SLC4A4: variants seen among roughly 807,000 people sequenced by gnomAD.
SLC4A4 encodes the protein solute carrier family 4 member 4.
SLC4A4 carries 27 observed loss-of-function variants against 111.5 expected under a neutral mutation model. The ratio of observed to expected loss-of-function variants is 0.24; its 90% CI spans 0.18 to 0.33. SLC4A4 has a LOEUF of 0.33. Ranked by LOEUF, SLC4A4 falls within the 10% of genes least tolerant of loss-of-function variation. SLC4A4 has a pLI of 1.00. For synonymous variants in SLC4A4, 443 were observed against 463.4 expected (o/e 0.96, Z 0.57); for missense variants, 909 against 1,315.5 (o/e 0.69, Z 4.78).
intron 1 of SLC4A4, among the ~76,000 whole-genome samples, chr4:71,089,749 C>T (rs979508003): frequency 9.2e-5 from 14 of 151,920 alleles, no homozygotes; most frequent in African/African-American, 3.4e-4. Context: ...CCTGATCGTT[C>T]GTCTGGAAAT....
intron 1 of SLC4A4, among the ~76,000 whole-genome samples, chr4:71,085,011 A>C (rs1035156970): frequency 2.6e-5 from 4 of 152,118 alleles, no homozygotes; most frequent in African/African-American, 7.3e-5. Context: ...ACTAGTTTAC[A>C]GTCCCACCAA....
chr4:71,519,652 T>C (rs963834466), intron 16 of SLC4A4, among the ~76,000 whole-genome samples: 8 of 151,846 alleles, frequency 5.3e-5, no homozygotes, highest in Non-Finnish European at 1.2e-4. Flanking sequence ...CATCATTTTT[T>C]TTGACAGAGT....
rs531134206 is a variant in SLC4A4 at position 71,443,538 on chromosome 4, A to T, written c.965+2765A>T. Among the ~76,000 whole-genome samples, 9 of 152,322 alleles carry T rather than the reference A, an allele frequency of 5.9e-5. No individual in the cohort carries two copies. In the South Asian group the frequency reaches 1.9e-3, roughly 32 times the overall value. ...GATGAAGGCAAAGGGAAGATTCAGC[A>T]TCAGTGCTGGGAATAGAACTTTAAA... On this transcript the variant is annotated intron_variant, in intron 8 of 25. Transcript: ENST00000264485.
intron 3 of SLC4A4, among the ~76,000 whole-genome samples, chr4:71,310,543 T>C (rs1243178437): frequency 1.3e-5 from 2 of 152,156 alleles, no homozygotes; most frequent in African/African-American, 4.8e-5. Flanking sequence ...TCAATAGTTT[T>C]AAAGAAAAGA....
rs1185589463 is a variant in SLC4A4, at chr4:71,555,185, G to A, written c.2740G>A (p.Val914Ile). 4.3e-6 allele frequency: 7 copies of A among 1,609,956 alleles called. No homozygotes were observed. The highest frequency in any genetic ancestry group is 5.9e-6 in the Non-Finnish European group (7 of 1,176,900). ...VLYGVFLYMG[V>I]ASLNGVQFMD... ...CTATGGTGTGTTCCTGTATATGGGA[G>A]TAGCATCCCTTAATGGTGTGCAGGT... is the stretch of plus-strand genomic sequence containing the variant. Residue 914 changes from valine to isoleucine, a missense_variant, in exon 21 of 26, where the codon GTA (valine) becomes ATA (isoleucine). This residue lies in a region of SLC4A4 where 104 missense variants were observed against 219.5 expected (regional missense o/e 0.47). Coordinates refer to ENST00000264485, the MANE Select transcript of SLC4A4 (RefSeq NM_001098484.3).
At chr4:71,167,166 C>T (rs1280790319) in intron 2 of SLC4A4, among the ~76,000 whole-genome samples, 3 of 152,074 alleles carry the variant, frequency 2.0e-5, no homozygotes, top group Non-Finnish European at 2.9e-5. Flanking sequence ...CCTTGACTCA[C>T]ATGTGCCTGT....
intron 7 of SLC4A4, among the ~76,000 whole-genome samples, chr4:71,418,148 T>C (rs1291716338): frequency 6.6e-6 from 1 of 152,208 alleles, no homozygotes; most frequent in African/African-American, 2.4e-5. Context: ...GTACTTGAAA[T>C]TTCATCCTGT....
intron 5 of SLC4A4, among the ~76,000 whole-genome samples, chr4:71,352,282 A>G (rs974023286): frequency 6.6e-6 from 1 of 152,182 alleles, no homozygotes; most frequent in Non-Finnish European, 1.5e-5. Context: ...AATGTAGGGC[A>G]AACTGGAGAA....
intron 24 of SLC4A4, among the ~76,000 whole-genome samples, chr4:71,565,544 A>T (rs1175967982): frequency 7.7e-6 from 1 of 130,252 alleles, no homozygotes; most frequent in Non-Finnish European, 1.7e-5. Context: ...GGCAAGAGGA[A>T]ATGAATTTGG....
chr4:71,532,821 C>A (rs1029516314), intron 17 of SLC4A4, among the ~76,000 whole-genome samples: 3 of 152,054 alleles, frequency 2.0e-5, no homozygotes, highest in African/African-American at 4.8e-5. Flanking sequence ...AAGTTAGAAC[C>A]CAAGCCTCCA....
chr4:71,541,668 C>T (rs1735076193), intron 18 of SLC4A4, among the ~76,000 whole-genome samples: 1 of 150,190 alleles, frequency 6.7e-6, no homozygotes, highest in Non-Finnish European at 1.5e-5. Flanking sequence ...GGGGTCAGAA[C>T]TGCATTTGAA....
intron 3 of SLC4A4, among the ~76,000 whole-genome samples, chr4:71,325,623 A>T (rs1384246698): frequency 6.6e-6 from 1 of 152,008 alleles, no homozygotes; most frequent in East Asian, 1.9e-4. Context: ...TTAATTTCTT[A>T]GTAGTTCTAG....
intron 4 of SLC4A4, among the ~76,000 whole-genome samples, chr4:71,342,203 C>T (rs1485480547): frequency 6.6e-6 from 1 of 152,106 alleles, no homozygotes; most frequent in East Asian, 1.9e-4. Context: ...TTTCTTGTTC[C>T]CCTCTCTCAG....
upstream of SLC4A4, among the ~76,000 whole-genome samples, chr4:71,184,071 C>A (rs1342762717): frequency 6.6e-6 from 1 of 152,110 alleles, no homozygotes; most frequent in Non-Finnish European, 1.5e-5. Flanking sequence ...TTACAGACAA[C>A]ATATGGTGAC....
At chr4:71,289,681 G>A (rs890832083) in intron 3 of SLC4A4, among the ~76,000 whole-genome samples, 8 of 152,168 alleles carry the variant, frequency 5.3e-5, no homozygotes, top group East Asian at 1.9e-4. Flanking sequence ...ATTGGGTAAC[G>A]AAGGAGGAGA....
At chr4:71,065,224 A>C (rs1310804222) in intron 1 of SLC4A4, among the ~76,000 whole-genome samples, 1 of 152,150 alleles carries the variant, frequency 6.6e-6, no homozygotes, top group African/African-American at 2.4e-5. Context: ...TTTATTGTTC[A>C]ACCATTCAAA....
At chr4:71,298,131 A>G (rs1724957368) in intron 3 of SLC4A4, among the ~76,000 whole-genome samples, 1 of 152,208 alleles carries the variant, frequency 6.6e-6, no homozygotes, top group Admixed American at 6.5e-5. Context: ...AAACTGCCAC[A>G]CAAATGTTGA....
At chr4:71,144,897 G>T (rs1744120238) in intron 2 of SLC4A4, among the ~76,000 whole-genome samples, 1 of 152,028 alleles carries the variant, frequency 6.6e-6, no homozygotes, top group African/African-American at 2.4e-5. Context: ...CTGCAAACAG[G>T]GACAATTTGA....
chr4:71,345,225 C>T (rs933334810), intron 4 of SLC4A4, among the ~76,000 whole-genome samples: 2 of 152,094 alleles, frequency 1.3e-5, no homozygotes, highest in Non-Finnish European at 2.9e-5. Flanking sequence ...TAGGTGTCAG[C>T]TAATGGGTTC....
Sources: allele counts gnomAD v4.1 joint callset (sites outside exome capture counted in the v4.1 genomes callset), GRCh38; gene constraint gnomAD v4.1.1; regional missense constraint gnomAD v4.1.1; transcripts MANE v1.5; gene names NCBI Gene and HGNC (gene_info 2026-07-23, HGNC 2026-07-21).